The following ABCC5 variants were observed in gnomAD, a reference collection of about 807,000 sequenced individuals.
ABCC5 encodes ATP binding cassette subfamily C member 5.
Under a neutral mutation model 160.9 loss-of-function variants are expected in ABCC5, and 61 were observed. That is an observed-to-expected ratio of 0.38 (90% CI 0.31 to 0.47). The LOEUF (loss-of-function observed/expected upper bound fraction) is 0.47, where lower values mean the gene tolerates loss of function less well. Among genes scored for constraint, ABCC5 ranks in the 20% least tolerant of loss-of-function variants. The pLI is 0.99. For synonymous variants in ABCC5, 666 were observed against 700.6 expected, an observed-to-expected ratio of 0.95 and a Z score of 0.78; for missense variants, 1,308 against 1,813.3, an observed-to-expected ratio of 0.72 and a Z score of 5.06.
intron 18 of ABCC5, 122 bp from the exon 19 acceptor site, chr3:183,952,125 G>A: frequency 2.3e-6 from 2 of 884,034 alleles, no homozygotes; most frequent in Non-Finnish European, 3.3e-6. Flanking sequence ...CTGGGACCTG[G>A]TCATGGCTTT....
rs567549086 is a variant in ABCC5, at chr3:183,958,039, C to T, written c.2482+1694G>A. On this transcript the variant is annotated intron_variant, in intron 17 of 29. Transcript: ENST00000334444. ...ACATCACATCGGTTACATGCAGATC[C>T]GTGTGTAAATCACATCGGTTACATG... is the stretch of plus-strand genomic sequence containing the variant. Among the ~76,000 whole-genome samples, 10 of 150,284 alleles carry T rather than the reference C, an allele frequency of 6.7e-5. No homozygotes were observed. The East Asian group carries it at 2.0e-3, about 29-fold the overall frequency.
rs751269101 is a variant in ABCC5 at position 183,989,425 on chromosome 3, A to C, written c.130-42T>G. ...GGAGAAAGGCAAGAGCACAGTTAATACACAGGCGAGAGGCAAACGGAACTG... is the reference window on the plus strand; with the variant it reads ...GGAGAAAGGCAAGAGCACAGTTAATCCACAGGCGAGAGGCAAACGGAACTG... On this transcript the variant is annotated intron_variant, in intron 2 of 29. Coordinates refer to ENST00000334444, the MANE Select transcript of ABCC5 (RefSeq NM_005688.4). The C allele has an allele frequency of 5.0e-6, 8 of 1,605,872 alleles. No individual in the cohort carries two copies. In the South Asian group the frequency reaches 7.7e-5, roughly 16 times the overall value.
rs1328176159 is a variant in ABCC5 at position 183,963,676 on chromosome 3, C to T, written c.2032-88G>A. 1 of 1,234,396 alleles carries T rather than the reference C, an allele frequency of 8.1e-7. No individual in the cohort carries two copies. Among genetic ancestry groups the T allele is most frequent in the African/African-American group, 1.5e-5 (1 of 66,748 alleles). 76.5% of individuals were successfully genotyped at this position (1,234,396 alleles called of 1,614,324 possible). On this transcript the variant is annotated intron_variant, in intron 14 of 29. Coordinates refer to ENST00000334444, the MANE Select transcript of ABCC5 (RefSeq NM_005688.4). The surrounding 1 kb of genome is among the most constrained non-coding windows in gnomAD (Gnocchi z 4.6). ...ACCCAGTCACTTCTCTTCTTGCCCA[C>T]CCAGACCAGCTCCTTCTGTCAATTC...
chr3:183,985,537 A>C (rs1719133804), intron 5 of ABCC5: 1 of 753,688 alleles, frequency 1.3e-6, no homozygotes, highest in Admixed American at 1.8e-5. Flanking sequence ...AAGGCCCTCG[A>C]GCAGAGTTAG....
rs202101976 is a variant in ABCC5, at chr3:183,953,089, G to T, written c.2664C>A (p.Ser888Arg). The T allele has an allele frequency of 2.5e-6, 4 of 1,613,060 alleles. No individual in the cohort carries two copies. The African/African-American group carries it at 5.3e-5, about 22-fold the overall frequency. ...TCCCATTTATGAGTAACCTTACCCC[G>T]CTTCCTTGCTTGATCCAGTAACTCA... ...WWLSYWIKQG[S>R]GNTTVTRGNE... The change falls in exon 18 of 30, where the codon AGC becomes AGA. Residue 888 changes from serine (S) to arginine (R), a missense_variant. Around this residue, in one of 3 missense-constraint regions of ABCC5, gnomAD observed 1,142 missense variants for 1,527.1 expected, o/e 0.75. Transcript: ENST00000334444.
chr3:183,940,911 G>T (rs892753888), intron 25 of ABCC5, among the ~76,000 whole-genome samples: 3 of 151,966 alleles, frequency 2.0e-5, no homozygotes, highest in Non-Finnish European at 2.9e-5. Flanking sequence ...CAGGCTGGAG[G>T]GCAATAGCGC....
At chr3:183,938,146 T>C in intron 25 of ABCC5, 86 bp from the exon 26 acceptor site, 1 of 1,314,744 alleles carries the variant, frequency 7.6e-7, no homozygotes, top group Non-Finnish European at 1.1e-6. Flanking sequence ...CAATGCCAAC[T>C]ATTTTTCCAT....
chr3:183,968,143 T>G (rs2108829701), intron 11 of ABCC5, among the ~76,000 whole-genome samples: 1 of 152,274 alleles, frequency 6.6e-6, no homozygotes, highest in East Asian at 1.9e-4. Context: ...ATTATTATTA[T>G]TTTGAGATGG....
intron 23 of ABCC5, 116 bp from the exon 24 acceptor site, chr3:183,946,055 G>A: frequency 1.1e-6 from 1 of 897,228 alleles, no homozygotes; most frequent in Non-Finnish European, 1.8e-6. Flanking sequence ...TGCAGCAGCT[G>A]GTCTTAGGGA....
chr3:183,987,940 G>A lies in ABCC5; in HGVS notation c.444-23C>T, dbSNP rs761408938. The A allele has an allele frequency of 2.2e-5, 35 of 1,609,802 alleles. No individual in the cohort carries two copies. The highest frequency in any genetic ancestry group is 7.7e-5 in the South Asian group (7 of 90,994). On this transcript the variant is annotated intron_variant, in intron 4 of 29. Coordinates refer to ENST00000334444, the MANE Select transcript of ABCC5 (RefSeq NM_005688.4). The surrounding 1 kb of genome is among the most constrained non-coding windows in gnomAD (Gnocchi z 4.2). The stretch of plus-strand genomic sequence containing the variant: ...AGTCTTAACAAGGGCACACGTCCTC[G>A]TTACACATCTCCTCGGGGGAAAGGC...
At position 184,014,345 on chromosome 3, in the gene ABCC5, C is replaced by A. The variant is rs200431053; in HGVS notation, c.48G>T (p.Gly16=). The A allele has an allele frequency of 5.6e-6, 9 of 1,613,984 alleles. No homozygotes were observed. Among genetic ancestry groups the A allele is most frequent in the African/African-American group, 1.3e-5 (1 of 75,032 alleles). ...TGGTTCTCTCCCTCACACTTCTATA[C>A]CCAGGACTGGGGATGATATACTCTT... The part of the protein sequence containing the change: ...IGKEYIIPSP[G]YRSVRERTST... The change falls in exon 2 of 30, where the codon GGG becomes GGT. Residue 16 remains glycine (G), a synonymous_variant. Transcript: ENST00000334444.
At chr3:184,014,136 G>A in intron 2 of ABCC5, 128 bp downstream of exon 2, 1 of 722,206 alleles carries the variant, frequency 1.4e-6, no homozygotes. Flanking sequence ...GCCTCCCAAA[G>A]TGCTGGGTTT....
chr3:183,927,680 A>G (rs1712721958), intron 27 of ABCC5: 4 of 985,394 alleles, frequency 4.1e-6, no homozygotes, highest in Non-Finnish European at 3.6e-6. Flanking sequence ...CATCCCAGAA[A>G]TCCCAACGCT....
intron 17 of ABCC5, among the ~76,000 whole-genome samples, chr3:183,958,502 T>TG (rs1354869497): frequency 6.6e-6 from 1 of 152,216 alleles, no homozygotes; most frequent in African/African-American, 2.4e-5. Flanking sequence ...GTTTGTTTTT[T>TG]GGGGTGTGTC....
chr3:183,932,091 A>G (rs758610274), intron 26 of ABCC5, among the ~76,000 whole-genome samples: 1 of 152,198 alleles, frequency 6.6e-6, no homozygotes, highest in African/African-American at 2.4e-5. Context: ...CAACACAGCA[A>G]TTCACCCTCG....
chr3:183,976,272 C>T (rs146393451), intron 10 of ABCC5, among the ~76,000 whole-genome samples: 160 of 151,812 alleles, frequency 1.1e-3, no homozygotes, highest in African/African-American at 3.7e-3. Flanking sequence ...AACAAAAACA[C>T]AGATAAGAGT....
chr3:183,923,398 G>A (rs1408173686), intron 29 of ABCC5, among the ~76,000 whole-genome samples: 2 of 152,046 alleles, frequency 1.3e-5, no homozygotes, highest in African/African-American at 2.4e-5. Context: ...TGAGGTGGGC[G>A]GATTATCTGA....
In ABCC5 at chr3:183,981,774, A is replaced by C. The variant is rs758349274; in HGVS notation, c.1100T>G (p.Phe367Cys). The C allele has an allele frequency of 6.2e-7, 1 of 1,609,578 alleles. No homozygotes were observed. Among genetic ancestry groups the C allele is most frequent in the South Asian group, 1.1e-5 (1 of 89,520 alleles). ...KMNEVLTYIK[F>C]IKMYAWVKAF... is the part of the protein sequence containing the mutation. ...TTTGACCCAGGCATACATTTTGATAAATTTAATGTAAGTAAGAACTTCATT... is the reference window on the plus strand; with the variant it reads ...TTTGACCCAGGCATACATTTTGATACATTTAATGTAAGTAAGAACTTCATT... The change falls in exon 8 of 30, where the codon TTT (phenylalanine) becomes TGT (cysteine). Residue 367 changes from phenylalanine to cysteine, a missense_variant. By Grantham distance (205) the Phe-to-Cys change is radical. Around this residue, in one of 3 missense-constraint regions of ABCC5, gnomAD observed 1,142 missense variants for 1,527.1 expected, o/e 0.75. Coordinates refer to ENST00000334444, the MANE Select transcript of ABCC5 (RefSeq NM_005688.4).
In ABCC5 at chr3:183,951,823, GGGA is replaced by G; in HGVS notation, c.2814+31_2814+33del. ...ACCAAAGCCTGACCACAGGTCACCA[GGGA>G]GGAGGGCAGAGACCACCCACCAATG... is the stretch of plus-strand genomic sequence containing the variant. On this transcript the variant is annotated intron_variant, in intron 19 of 29. Transcript: ENST00000334444. The surrounding 1 kb of genome is among the most constrained non-coding windows in gnomAD (Gnocchi z 4.7). 2 of 1,602,254 alleles carry G rather than the reference GGGA, an allele frequency of 1.2e-6. No individual in the cohort carries two copies. Among genetic ancestry groups the G allele is most frequent in the Non-Finnish European group, 1.7e-6 (2 of 1,172,800 alleles).
Sources: gnomAD v4.1 joint callset for allele counts (sites outside exome capture counted in the v4.1 genomes callset) on GRCh38, gnomAD v4.1.1 for gene constraint, gnomAD v4.1.1 regional missense constraint, Gnocchi (gnomAD v3.1) non-coding constraint, MANE v1.5 for transcripts, NCBI Gene and HGNC (gene_info 2026-07-23, HGNC 2026-07-21) for gene names.